SLX9: variants seen among roughly 807,000 people sequenced by gnomAD.
SLX9 encodes the protein ribosome biogenesis protein SLX9 homolog.
In SLX9, 19 loss-of-function variants were observed where a neutral mutation model predicts 20.8. That is an observed-to-expected ratio of 0.91 (90% CI 0.64 to 1.34). SLX9 has a LOEUF of 1.34. SLX9 is among the 40% of genes most tolerant of loss of function. The probability of loss-of-function intolerance (pLI) is 0.00; values close to 1 mark genes in which losing one functional copy is unlikely to be tolerated. For synonymous variants in SLX9, 113 were observed against 137.1 expected, an observed-to-expected ratio of 0.82 and a Z score of 1.23; for missense variants, 299 against 322.2, an observed-to-expected ratio of 0.93 and a Z score of 0.55.
intron 2 of SLX9, among the ~76,000 whole-genome samples, chr21:44,949,109 G>T (rs563865077): frequency 6.6e-6 from 1 of 152,332 alleles, no homozygotes; most frequent in East Asian, 1.9e-4. Flanking sequence ...TGGAAGCAGG[G>T]AGAGGCCAGG....
chr21:44,942,486 G>A (rs1373050634), intron 1 of SLX9, among the ~76,000 whole-genome samples: 2 of 152,212 alleles, frequency 1.3e-5, no homozygotes, highest in African/African-American at 2.4e-5. Flanking sequence ...GGGAGTTGCA[G>A]TCCAGCCTGG....
At chr21:44,967,235 A>C in intron 4 of SLX9, 54 bp downstream of exon 4, 1 of 1,524,430 alleles carries the variant, frequency 6.6e-7, no homozygotes. Context: ...ACCCGGGTCC[A>C]GAGGTGGAGG....
chr21:44,972,926 C>T, intron 4 of SLX9: 1 of 37,434 alleles, frequency 2.7e-5, no homozygotes. Flanking sequence ...CCAGATTCCA[C>T]ACGGAGCAGC....
chr21:44,974,731 T>G (rs571066778), intron 5 of SLX9, among the ~76,000 whole-genome samples: 192 of 152,182 alleles, frequency 1.3e-3, no homozygotes, highest in Non-Finnish European at 2.2e-3. Flanking sequence ...GTTTGTCCTC[T>G]TTGGTTTCTG....
intron 3 of SLX9, among the ~76,000 whole-genome samples, chr21:44,960,646 C>T (rs1055687220): frequency 2.0e-5 from 3 of 152,232 alleles, no homozygotes; most frequent in Non-Finnish European, 4.4e-5. Flanking sequence ...ACAGTGTCTG[C>T]GCATAGCGGC....
chr21:44,953,563 G>C (rs1327614924), intron 2 of SLX9, among the ~76,000 whole-genome samples: 3 of 151,518 alleles, frequency 2.0e-5, no homozygotes, highest in Non-Finnish European at 4.4e-5. Flanking sequence ...GTGGGGCCCT[G>C]CATCCGGGCC....
chr21:44,970,954 G>A (rs1468128271), intron 4 of SLX9, among the ~76,000 whole-genome samples: 1 of 152,242 alleles, frequency 6.6e-6, no homozygotes, highest in African/African-American at 2.4e-5. Context: ...CCCCTGGGGT[G>A]CAGGATGCAG....
intron 1 of SLX9, among the ~76,000 whole-genome samples, chr21:44,940,712 C>A (rs2084529637): frequency 7.2e-6 from 1 of 138,360 alleles, no homozygotes; most frequent in African/African-American, 2.9e-5. Flanking sequence ...ATATTTTGAC[C>A]GATGTGTCTT....
chr21:44,956,066 A>G (rs1343811651), intron 2 of SLX9, among the ~76,000 whole-genome samples: 1 of 152,230 alleles, frequency 6.6e-6, no homozygotes, highest in African/African-American at 2.4e-5. Context: ...GCAAGGCTAC[A>G]TTCAGCCTTC....
chr21:44,945,271 C>G (rs35056606), intron 2 of SLX9, among the ~76,000 whole-genome samples: 2,497 of 152,344 alleles, frequency 0.016, 82 homozygotes, highest in African/African-American at 0.056. Flanking sequence ...GGCCAGGTAA[C>G]TCCAGAGAGA....
chr21:44,969,201 G>A lies in SLX9; in HGVS notation c.500+2020G>A, dbSNP rs1304529282. ...GAGGGTGGCAGGTCACGCGCTGCAG[G>A]CCCAGGCAGCTCCAGGCTGGCATCC... On this transcript the variant is annotated intron_variant, in intron 4 of 5. Transcript: ENST00000291634. The A allele has an allele frequency of 8.5e-6, 4 of 470,022 alleles. No individual in the cohort carries two copies. In the East Asian group the frequency reaches 2.8e-4, roughly 33 times the overall value. The allele number at this position is 470,022 out of a possible 1,614,324, so 29.1% of individuals were successfully genotyped here.
chr21:44,944,786 C>T (rs1184462039), intron 2 of SLX9, among the ~76,000 whole-genome samples: 3 of 152,190 alleles, frequency 2.0e-5, no homozygotes, highest in Admixed American at 6.5e-5. Flanking sequence ...GTAGATGGCC[C>T]GTTAAGATCG....
chr21:44,953,466 CGGGCCTCG>C (rs1375720196), intron 2 of SLX9, among the ~76,000 whole-genome samples: 6 of 152,168 alleles, frequency 3.9e-5, no homozygotes, highest in African/African-American at 1.2e-4. Context: ...GCCCTGCGTC[CGGGCCTCG>C]GGAGCCTGTC....
At chr21:44,964,920 C>A (rs2085007578) in intron 3 of SLX9, among the ~76,000 whole-genome samples, 2 of 152,132 alleles carry the variant, frequency 1.3e-5, no homozygotes, top group Admixed American at 1.3e-4. Context: ...ACTCTTTCCC[C>A]AGGAGGACCC....
At chr21:44,969,471 G>A (rs779202508) in intron 4 of SLX9, among the ~76,000 whole-genome samples, 1 of 152,214 alleles carries the variant, frequency 6.6e-6, no homozygotes, top group Non-Finnish European at 1.5e-5. Context: ...TCTGGGCCGG[G>A]AAGGCACATC....
At chr21:44,967,315 G>A (rs1453831187) in intron 4 of SLX9, 134 bp downstream of exon 4, 12 of 1,284,386 alleles carry the variant, frequency 9.3e-6, no homozygotes, top group Admixed American at 2.9e-5. Context: ...GGCTCCAGCC[G>A]GTGCTCCGCA....
Position 44,960,291 on chromosome 21 carries a change from G to A in SLX9, c.352+123G>A, listed in dbSNP as rs138463187. Reference sequence around the variant, plus strand: ...CCACACTCCCCGAGGAGTGCCCAAGGGGATCACCCAAGACACTTCAGAGGC... The same window carrying A: ...CCACACTCCCCGAGGAGTGCCCAAGAGGATCACCCAAGACACTTCAGAGGC... On this transcript the variant is annotated intron_variant, in intron 3 of 5. Coordinates refer to ENST00000291634, the MANE Select transcript of SLX9 (RefSeq NM_058190.4). 1.5e-5 allele frequency: 14 copies of A among 918,710 alleles called. No individual in the cohort carries two copies. In the African/African-American group the frequency reaches 1.8e-4, roughly 12 times the overall value. The allele number at this position is 918,710 out of a possible 1,614,324, so 56.9% of individuals were successfully genotyped here.
intron 2 of SLX9, among the ~76,000 whole-genome samples, chr21:44,944,071 C>T (rs2146607444): frequency 6.6e-6 from 1 of 152,382 alleles, no homozygotes; most frequent in Non-Finnish European, 1.5e-5. Context: ...TGCGTCCTGG[C>T]AGCCACGCTG....
At chr21:44,964,420 G>A (rs1305403298) in intron 3 of SLX9, among the ~76,000 whole-genome samples, 2 of 152,154 alleles carry the variant, frequency 1.3e-5, no homozygotes, top group Non-Finnish European at 2.9e-5. Context: ...ATGAGGACAA[G>A]CTTGCAAAGT....
Sources: allele counts gnomAD v4.1 joint callset (sites outside exome capture counted in the v4.1 genomes callset), GRCh38; gene constraint gnomAD v4.1.1; transcripts MANE v1.5; gene names NCBI Gene and HGNC (gene_info 2026-07-23, HGNC 2026-07-21).